The following SLC9A9 variants were observed in gnomAD, a reference collection of about 807,000 sequenced individuals.
SLC9A9 encodes the protein solute carrier family 9 member A9, also known as sodium/hydrogen exchanger 9.
A neutral mutation model predicts 77.8 loss-of-function variants in SLC9A9; 62 were observed. That is an observed-to-expected ratio of 0.80 (90% CI 0.65 to 0.98). SLC9A9 has a LOEUF of 0.98. SLC9A9 is among the 50% of genes least tolerant of loss of function. The pLI is 0.00. For synonymous variants in SLC9A9, 320 were observed against 283.5 expected, an observed-to-expected ratio of 1.13 and a Z score of -1.29; for missense variants, 775 against 774.9, an observed-to-expected ratio of 1.00 and a Z score of 0.00.
chr3:143,286,643 C>T (rs749930840), intron 14 of SLC9A9, among the ~76,000 whole-genome samples: 1 of 152,164 alleles, frequency 6.6e-6, no homozygotes, highest in Non-Finnish European at 1.5e-5. Context: ...TTGTTTTGTG[C>T]TGTGGGGCTA....
chr3:143,302,122 A>G (rs1369495475), intron 14 of SLC9A9, among the ~76,000 whole-genome samples: 1 of 152,194 alleles, frequency 6.6e-6, no homozygotes, highest in African/African-American at 2.4e-5. Flanking sequence ...CCTTTGTCAC[A>G]GCGGGCCAGG....
chr3:143,783,722 G>C (rs12629294), intron 4 of SLC9A9, among the ~76,000 whole-genome samples: 34,038 of 152,080 alleles, frequency 0.22, 3,970 homozygotes, highest in South Asian at 0.35. Flanking sequence ...ACTTCTGGGG[G>C]TGGAAAGGAA....
intron 12 of SLC9A9, among the ~76,000 whole-genome samples, chr3:143,463,680 C>T (rs1236797987): frequency 1.3e-5 from 2 of 152,096 alleles, no homozygotes; most frequent in Non-Finnish European, 2.9e-5. Flanking sequence ...GGAGTCTTTT[C>T]CTTTTCTCCA....
chr3:143,355,621 C>T (rs2032565251), intron 14 of SLC9A9, among the ~76,000 whole-genome samples: 1 of 152,114 alleles, frequency 6.6e-6, no homozygotes. Flanking sequence ...TTCTTTATAC[C>T]ATAGATGTGT....
intron 4 of SLC9A9, among the ~76,000 whole-genome samples, chr3:143,753,863 G>A (rs1394351711): frequency 6.6e-6 from 1 of 152,102 alleles, no homozygotes. Flanking sequence ...GAAGAAAAAG[G>A]GGATAAAGAA....
intron 1 of SLC9A9, among the ~76,000 whole-genome samples, chr3:143,838,274 ATGT>A (rs2009622720): frequency 1.3e-5 from 2 of 152,338 alleles, no homozygotes; most frequent in East Asian, 1.9e-4. Context: ...AGAAGAGGAC[ATGT>A]TGTTTTAGGG....
chr3:143,545,590 A>G (rs1328074659), intron 9 of SLC9A9, among the ~76,000 whole-genome samples: 1 of 152,198 alleles, frequency 6.6e-6, no homozygotes, highest in Non-Finnish European at 1.5e-5. Flanking sequence ...ATATCCTGAG[A>G]TGCTGAGTTG....
At chr3:143,333,301 C>T (rs2031830533) in intron 14 of SLC9A9, among the ~76,000 whole-genome samples, 1 of 144,210 alleles carries the variant, frequency 6.9e-6, no homozygotes, top group East Asian at 2.1e-4. Context: ...AACATCCATA[C>T]AAATTGGATT....
At chr3:143,465,019 G>A (rs1445071768) in intron 12 of SLC9A9, among the ~76,000 whole-genome samples, 1 of 152,170 alleles carries the variant, frequency 6.6e-6, no homozygotes, top group Non-Finnish European at 1.5e-5. Context: ...TCACTAGACT[G>A]GAACCCTGTC....
At chr3:143,424,060 A>G (rs1012135275) in intron 12 of SLC9A9, among the ~76,000 whole-genome samples, 1 of 152,232 alleles carries the variant, frequency 6.6e-6, no homozygotes, top group Non-Finnish European at 1.5e-5. Context: ...AAGGGACACC[A>G]GTAAATGTAA....
intron 4 of SLC9A9, among the ~76,000 whole-genome samples, chr3:143,713,249 C>T (rs1468637790): frequency 6.6e-6 from 1 of 152,164 alleles, no homozygotes; most frequent in Non-Finnish European, 1.5e-5. Flanking sequence ...TTGGGACATA[C>T]TAAATTCAGT....
chr3:143,768,206 G>C (rs557675877), intron 4 of SLC9A9, among the ~76,000 whole-genome samples: 1 of 152,116 alleles, frequency 6.6e-6, no homozygotes, highest in African/African-American at 2.4e-5. Flanking sequence ...TATTCTCAGC[G>C]AGGGGGAAAA....
intron 4 of SLC9A9, among the ~76,000 whole-genome samples, chr3:143,719,991 A>G (rs990147620): frequency 2.0e-5 from 3 of 152,044 alleles, no homozygotes; most frequent in Non-Finnish European, 2.9e-5. Flanking sequence ...TATATAATAA[A>G]TTTACTTTTT....
intron 6 of SLC9A9, among the ~76,000 whole-genome samples, chr3:143,634,421 G>A (rs962203258): frequency 5.9e-5 from 9 of 151,922 alleles, no homozygotes; most frequent in African/African-American, 1.2e-4. Context: ...CCCCAAATGC[G>A]TCTTCTATGT....
chr3:143,413,238 A>C (rs1268853466), intron 12 of SLC9A9, among the ~76,000 whole-genome samples: 1 of 152,220 alleles, frequency 6.6e-6, no homozygotes, highest in Non-Finnish European at 1.5e-5. Flanking sequence ...GGAAAGACCC[A>C]GCCCAGAGGT....
intron 10 of SLC9A9, 23 bp downstream of exon 10, chr3:143,495,312 A>AT: frequency 6.5e-7 from 1 of 1,532,798 alleles, no homozygotes; most frequent in Non-Finnish European, 9.0e-7. Context: ...TAATCACCCC[A>AT]TGTTCTGTAT....
intron 9 of SLC9A9, chr3:143,516,980 A>T: frequency 1.6e-6 from 1 of 624,408 alleles, no homozygotes. Flanking sequence ...AATCATTTTA[A>T]TTTGTAGTCC....
At chr3:143,352,318 CAT>C (rs1335517279) in intron 14 of SLC9A9, among the ~76,000 whole-genome samples, 2 of 152,178 alleles carry the variant, frequency 1.3e-5, no homozygotes, top group African/African-American at 4.8e-5. Context: ...GTATTAAACA[CAT>C]GTTAAAGGAT....
intron 14 of SLC9A9, among the ~76,000 whole-genome samples, chr3:143,324,015 A>G (rs2031500801): frequency 6.6e-6 from 1 of 151,962 alleles, no homozygotes; most frequent in African/African-American, 2.4e-5. Flanking sequence ...CTTTTCCACT[A>G]TATTTGTCAG....
Sources: gnomAD v4.1 joint callset for allele counts (sites outside exome capture counted in the v4.1 genomes callset) on GRCh38, gnomAD v4.1.1 for gene constraint, MANE v1.5 for transcripts, NCBI Gene and HGNC (gene_info 2026-07-23, HGNC 2026-07-21) for gene names.